WWOX: variants seen among roughly 807,000 people sequenced by gnomAD.
The protein encoded by WWOX is WW domain-containing oxidoreductase.
WWOX carries 69 observed loss-of-function variants against 46.2 expected under a neutral mutation model. That is an observed-to-expected ratio of 1.49 (90% CI 1.23 to 1.82). The LOEUF (loss-of-function observed/expected upper bound fraction) is 1.82, where lower values mean the gene tolerates loss of function less well. Ranked by LOEUF, WWOX falls within the 40% of genes most tolerant of loss-of-function variation. The pLI is 0.00. For synonymous variants in WWOX, 359 were observed against 202.6 expected, an observed-to-expected ratio of 1.77 and a Z score of -6.56; for missense variants, 919 against 542.6, an observed-to-expected ratio of 1.69 and a Z score of -6.89.
chr16:78,820,024 T>G (rs1259793970), intron 8 of WWOX, among the ~76,000 whole-genome samples: 1 of 152,152 alleles, frequency 6.6e-6, no homozygotes, highest in Non-Finnish European at 1.5e-5. Flanking sequence ...TGGAGGAAAA[T>G]AAAATAACTC....
In WWOX at chr16:78,487,550, T is replaced by A. The variant is rs145008192; in HGVS notation, c.1056+54798T>A. On this transcript the variant is annotated intron_variant, in intron 8 of 8. Transcript: ENST00000566780. ...GTATTTGGGACTTACTGCAGATGCT[T>A]CCTCTGGTTCAGGGTGTTGAGGCTT... 2.2e-3 allele frequency among the ~76,000 whole-genome samples: 333 copies of A among 152,298 alleles called. 2 individuals are homozygous for A. Among genetic ancestry groups the A allele is most frequent in the African/African-American group, 7.6e-3 (314 of 41,562 alleles).
intron 8 of WWOX, among the ~76,000 whole-genome samples, chr16:78,761,298 T>C (rs1225916632): frequency 6.6e-6 from 1 of 152,228 alleles, no homozygotes; most frequent in Non-Finnish European, 1.5e-5. Context: ...GATCTGCTTG[T>C]CTTTATCAAT....
At chr16:78,898,181 TG>T (rs1410955886) in intron 8 of WWOX, 17 of 152,290 alleles carry the variant, frequency 1.1e-4, no homozygotes, top group African/African-American at 4.1e-4. Flanking sequence ...CTTTTTCATT[TG>T]TGTAGTGCTT....
intron 8 of WWOX, among the ~76,000 whole-genome samples, chr16:78,801,368 G>C (rs889572817): frequency 6.6e-5 from 10 of 152,014 alleles, no homozygotes; most frequent in Admixed American, 6.6e-4. Flanking sequence ...AAATTAGCTG[G>C]GTGTGGTGGC....
chr16:79,074,477 C>A (rs1006493353), intron 8 of WWOX, among the ~76,000 whole-genome samples: 20 of 124,550 alleles, frequency 1.6e-4, no homozygotes, highest in Non-Finnish European at 9.7e-5. Context: ...GGCTGGCTGA[C>A]CCATCAATGG....
At chr16:79,025,714 C>T (rs931772054) in intron 8 of WWOX, among the ~76,000 whole-genome samples, 1 of 151,982 alleles carries the variant, frequency 6.6e-6, no homozygotes, top group East Asian at 1.9e-4. Flanking sequence ...CTAATATACC[C>T]TTTAATGATT....
At position 78,339,377 on chromosome 16, in the gene WWOX, A is replaced by C. The variant is rs1312657083; in HGVS notation, c.517-47483A>C. Among the ~76,000 whole-genome samples the C allele has an allele frequency of 8.0e-5, 8 of 99,388 alleles. 1 individual carries two copies. The highest frequency in any genetic ancestry group is 5.7e-4 in the Admixed American group (6 of 10,612). 65.2% of individuals were successfully genotyped at this position (99,388 alleles called of 152,430 possible). A position where few individuals can be genotyped will look rare whatever the true frequency, so the allele number is the denominator to read the frequency against. Reference sequence around the variant, plus strand: ...AGTTCCTTTTATTAGAAAAAAAAAAAAAAACAACTCCCCTGGAGCCTTTGT... The same window carrying C: ...AGTTCCTTTTATTAGAAAAAAAAAACAAAACAACTCCCCTGGAGCCTTTGT... On this transcript the variant is annotated intron_variant, in intron 5 of 8. Coordinates refer to ENST00000566780, the MANE Select transcript of WWOX (RefSeq NM_016373.4).
At chr16:79,005,227 C>G (rs554752038) in intron 8 of WWOX, among the ~76,000 whole-genome samples, 1 of 152,094 alleles carries the variant, frequency 6.6e-6, no homozygotes, top group Non-Finnish European at 1.5e-5. Context: ...CCATCTCCAC[C>G]CACCTACAGC....
At chr16:78,447,139 T>C (rs185739393) in intron 8 of WWOX, among the ~76,000 whole-genome samples, 45 of 152,190 alleles carry the variant, frequency 3.0e-4, no homozygotes, top group Middle Eastern at 3.4e-3. Flanking sequence ...ACAGGCAGAG[T>C]ATTTGATCTT....
At chr16:78,121,586 G>T (rs2033094675) in intron 4 of WWOX, among the ~76,000 whole-genome samples, 8 of 151,880 alleles carry the variant, frequency 5.3e-5, no homozygotes, top group Admixed American at 5.2e-4. Flanking sequence ...TTATAATAGG[G>T]GTGTGTGTAT....
At chr16:78,955,273 C>A (rs1300176171) in intron 8 of WWOX, among the ~76,000 whole-genome samples, 1 of 152,096 alleles carries the variant, frequency 6.6e-6, no homozygotes, top group African/African-American at 2.4e-5. Flanking sequence ...CTCCACATGT[C>A]CCTCATGCCC....
Position 78,738,157 on chromosome 16 carries a change from G to A in WWOX, c.1056+305405G>A, listed in dbSNP as rs143578388. 4.6e-5 allele frequency among the ~76,000 whole-genome samples: 7 copies of A among 152,236 alleles called. No individual in the cohort carries two copies. The East Asian group carries it at 9.7e-4, about 21-fold the overall frequency. On this transcript the variant is annotated intron_variant, in intron 8 of 8. Transcript: ENST00000566780. ...GTAAAGTGACATTTTTTAAGCCCTT[G>A]TGTGTGTCCGACTCATAAAAGTTCA...
At chr16:78,870,515 C>G (rs963822555) in intron 8 of WWOX, among the ~76,000 whole-genome samples, 8 of 151,374 alleles carry the variant, frequency 5.3e-5, no homozygotes, top group Non-Finnish European at 8.9e-5. Context: ...AAAAAAAAAA[C>G]AAAAAACCCT....
chr16:79,200,748 C>G (rs2051331608), intron 8 of WWOX, among the ~76,000 whole-genome samples: 1 of 152,098 alleles, frequency 6.6e-6, no homozygotes. Flanking sequence ...GAAGGGAGAT[C>G]TAGAAATGGT....
chr16:78,861,516 C>T (rs1232699476), intron 8 of WWOX, among the ~76,000 whole-genome samples: 1 of 152,048 alleles, frequency 6.6e-6, no homozygotes. Context: ...GAAAATTTAC[C>T]AAAGTAAATG....
chr16:78,206,833 A>G (rs867911846), intron 5 of WWOX, among the ~76,000 whole-genome samples: 8 of 152,352 alleles, frequency 5.3e-5, no homozygotes, highest in Middle Eastern at 6.8e-3. Context: ...CACAACTAAA[A>G]GAAGTGACAA....
intron 8 of WWOX, among the ~76,000 whole-genome samples, chr16:78,544,983 C>T (rs1209137132): frequency 6.6e-6 from 1 of 152,000 alleles, no homozygotes; most frequent in Non-Finnish European, 1.5e-5. Context: ...TAAAGACCAG[C>T]CTGGGCACAT....
chr16:78,306,700 C>G (rs1224718579), intron 5 of WWOX, among the ~76,000 whole-genome samples: 1 of 151,866 alleles, frequency 6.6e-6, no homozygotes, highest in African/African-American at 2.4e-5. Flanking sequence ...TGCCTTCCCA[C>G]AATTCCCTGT....
chr16:78,785,418 G>A (rs1452781446), intron 8 of WWOX, among the ~76,000 whole-genome samples: 5 of 152,152 alleles, frequency 3.3e-5, no homozygotes, highest in Non-Finnish European at 5.9e-5. Flanking sequence ...AACACACATC[G>A]GCAGCCAGTG....
Sources: allele counts gnomAD v4.1 joint callset (sites outside exome capture counted in the v4.1 genomes callset), GRCh38; gene constraint gnomAD v4.1.1; transcripts MANE v1.5; gene names NCBI Gene and HGNC (gene_info 2026-07-23, HGNC 2026-07-21).